The following METTL16 variants were observed in gnomAD, a reference collection of about 807,000 sequenced individuals.
METTL16 encodes RNA N(6)-adenosine-methyltransferase METTL16.
A neutral mutation model predicts 57.9 loss-of-function variants in METTL16; 19 were observed. The ratio of observed to expected loss-of-function variants is 0.33; its 90% confidence interval spans 0.23 to 0.48. The LOEUF is 0.48. Among genes scored for constraint, METTL16 ranks in the 20% least tolerant of loss-of-function variants. The pLI, the probability that METTL16 is intolerant of heterozygous loss-of-function variation, is 0.99. For missense variants in METTL16, 434 were observed against 691.5 expected (o/e 0.63, Z 4.18); for synonymous variants, 246 against 255.6 (o/e 0.96, Z 0.36).
intron 2 of METTL16, among the ~76,000 whole-genome samples, chr17:2,495,147 C>T (rs1684458982): frequency 6.6e-6 from 1 of 151,144 alleles, no homozygotes; most frequent in Non-Finnish European, 1.5e-5. Flanking sequence ...CCCAGGAGTT[C>T]AAGACCAGAT....
Position 2,417,026 on chromosome 17 carries a change from T to C in METTL16, c.*2944A>G, listed in dbSNP as rs1373237938. ...TCCAAATGCACAGAAGGCACTCGGC[T>C]CCAGACTGAAAGCTGGCCTGCTCAT... On this transcript the variant is annotated 3_prime_UTR_variant, in exon 10 of 10. Transcript: ENST00000263092. 7.0e-6 allele frequency: 1 copy of C among 142,010 alleles called. No individual in the cohort carries two copies. The highest frequency in any genetic ancestry group is 2.6e-5 in the African/African-American group (1 of 38,878). 8.8% of individuals were successfully genotyped at this position (142,010 alleles called of 1,614,324 possible).
intron 6 of METTL16, among the ~76,000 whole-genome samples, chr17:2,441,865 G>A (rs1266807485): frequency 6.6e-6 from 1 of 152,122 alleles, no homozygotes; most frequent in African/African-American, 2.4e-5. Flanking sequence ...TGCTTACAAC[G>A]AAGGCCGTTT....
intron 2 of METTL16, among the ~76,000 whole-genome samples, chr17:2,492,280 G>A (rs941467336): frequency 1.2e-4 from 19 of 152,174 alleles, no homozygotes; most frequent in African/African-American, 3.9e-4. Flanking sequence ...TGAACTGACA[G>A]TGCTGAACTA....
intron 8 of METTL16, chr17:2,424,171 T>C (rs1005835587): frequency 3.3e-5 from 5 of 150,530 alleles, no homozygotes; most frequent in African/African-American, 1.2e-4. Context: ...TGGAGTGCAG[T>C]GGCGGGATCT....
rs141829337 is a variant in METTL16 at position 2,443,631 on chromosome 17, C to T, written c.729-2072G>A. 5.1e-3 allele frequency among the ~76,000 whole-genome samples: 771 copies of T among 151,914 alleles called. 13 individuals are homozygous for T. The highest frequency in any genetic ancestry group is 0.018 in the African/African-American group (738 of 41,456). On this transcript the variant is annotated intron_variant, in intron 6 of 9. Coordinates refer to ENST00000263092, the MANE Select transcript of METTL16 (RefSeq NM_024086.4). ...CCTCCCGAGTAGCTGGGACTACAGG[C>T]GCCCACCACGACGCCCGGCTATTTT...
In METTL16 at chr17:2,504,151, G is replaced by A. The variant is rs563881731; in HGVS notation, c.1-1820C>T. On this transcript the variant is annotated intron_variant, in intron 1 of 9. Coordinates refer to ENST00000263092, the MANE Select transcript of METTL16 (RefSeq NM_024086.4). ...AAATATTGTATGCTTTCACTTATAT[G>A]AGGCACCCAGTAGAGGTAAATTTAT... Among the ~76,000 whole-genome samples, 4 of 152,256 alleles carry A rather than the reference G, an allele frequency of 2.6e-5. No individual in the cohort carries two copies. The East Asian group carries it at 7.7e-4, about 29-fold the overall frequency.
At chr17:2,476,479 GAA>G (rs1309718653) in intron 3 of METTL16, among the ~76,000 whole-genome samples, 1 of 152,156 alleles carries the variant, frequency 6.6e-6, no homozygotes, top group Non-Finnish European at 1.5e-5. Flanking sequence ...GCAAAGAAAT[GAA>G]AGAGGAAACC....
intron 4 of METTL16, among the ~76,000 whole-genome samples, chr17:2,473,011 G>A (rs2067244449): frequency 6.6e-6 from 1 of 152,042 alleles, no homozygotes; most frequent in Non-Finnish European, 1.5e-5. Flanking sequence ...ATAATGATGT[G>A]CCAGCATAGG....
Position 2,464,338 on chromosome 17 carries a change from G to T in METTL16, c.598C>A (p.Arg200=), listed in dbSNP as rs376739177. 1.3e-4 allele frequency: 207 copies of T among 1,603,624 alleles called. No individual in the cohort carries two copies. The highest frequency in any genetic ancestry group is 1.2e-3 in the Middle Eastern group (7 of 6,010). Residue 200 remains arginine (R), a synonymous_variant, in exon 6 of 10, where the codon CGA becomes AGA. Transcript: ENST00000263092. ...CTAGGCGGAGGTCTTCGAGGATTTCGTGAGTTTACTCCCTGAAAAACAACA... is the reference window on the plus strand; with the variant it reads ...CTAGGCGGAGGTCTTCGAGGATTTCTTGAGTTTACTCCCTGAAAAACAACA... ...NQLEAKGVNS[R]NPRRPPPSSV...
chr17:2,484,349 G>A (rs892731523), intron 2 of METTL16, among the ~76,000 whole-genome samples: 1 of 151,986 alleles, frequency 6.6e-6, no homozygotes, highest in Non-Finnish European at 1.5e-5. Flanking sequence ...AGAAATGTGA[G>A]GTAACCTAAA....
chr17:2,483,020 T>A (rs1254321295), intron 2 of METTL16, among the ~76,000 whole-genome samples: 1 of 148,592 alleles, frequency 6.7e-6, no homozygotes. Flanking sequence ...GATCATATAG[T>A]GTTAAAAAAA....
At chr17:2,472,027 T>C (rs549115279) in intron 4 of METTL16, among the ~76,000 whole-genome samples, 96 of 151,642 alleles carry the variant, frequency 6.3e-4, no homozygotes, top group African/African-American at 2.1e-3. Flanking sequence ...AGCAGGAGAA[T>C]TGCTTGAACC....
At chr17:2,489,412 T>C (rs2067367137) in intron 2 of METTL16, among the ~76,000 whole-genome samples, 1 of 152,090 alleles carries the variant, frequency 6.6e-6, no homozygotes, top group Admixed American at 6.6e-5. Context: ...CCCAGCACTT[T>C]GGTAGGCCGA....
rs565853874 is a variant in METTL16, at chr17:2,420,805, G to A, written c.988C>T (p.Pro330Ser). The A allele has an allele frequency of 1.9e-6, 3 of 1,614,238 alleles. No individual in the cohort carries two copies. The highest frequency in any genetic ancestry group is 2.5e-6 in the Non-Finnish European group (3 of 1,180,044). The change falls in exon 9 of 10, where the codon CCT becomes TCT. Residue 330 changes from proline (P) to serine (S), a missense_variant. Pro to Ser is a moderately conservative substitution (Grantham distance 74). Coordinates refer to ENST00000263092, the MANE Select transcript of METTL16 (RefSeq NM_024086.4). The surrounding 1 kb of genome is among the most constrained non-coding windows in gnomAD (Gnocchi z 5.4). The part of the protein sequence containing the change: ...VMKELSLKAS[P>S]LRSETAEGIV... ...CCTTCCGCCGTCTCCGAGCGCAGAG[G>A]TGATGCTTTGAGGGATAATTCCTTC...
At chr17:2,449,942 C>G (rs934781177) in intron 6 of METTL16, among the ~76,000 whole-genome samples, 1 of 152,162 alleles carries the variant, frequency 6.6e-6, no homozygotes, top group South Asian at 2.1e-4. Context: ...TAATGAGATA[C>G]CACTACCTAC....
intron 8 of METTL16, among the ~76,000 whole-genome samples, chr17:2,431,457 G>A (rs541596215): frequency 4.6e-5 from 7 of 152,236 alleles, no homozygotes; most frequent in Admixed American, 3.3e-4. Flanking sequence ...TTTGTGATAC[G>A]TGTGAATACA....
intron 8 of METTL16, among the ~76,000 whole-genome samples, chr17:2,423,195 C>T (rs1323036577): frequency 2.6e-5 from 4 of 151,796 alleles, no homozygotes; most frequent in Admixed American, 1.3e-4. Flanking sequence ...ACACTGCATA[C>T]ATACACAACA....
chr17:2,494,652 G>A (rs1754890759), intron 2 of METTL16, among the ~76,000 whole-genome samples: 1 of 152,008 alleles, frequency 6.6e-6, no homozygotes, highest in Non-Finnish European at 1.5e-5. Context: ...GCTACAATGA[G>A]CTATAATCCT....
chr17:2,466,590 A>G (rs1414497434), intron 5 of METTL16, among the ~76,000 whole-genome samples: 1 of 152,198 alleles, frequency 6.6e-6, no homozygotes, highest in East Asian at 1.9e-4. Context: ...GTATCTGAGG[A>G]AGATCTGCCT....
Sources: allele counts gnomAD v4.1 joint callset (sites outside exome capture counted in the v4.1 genomes callset), GRCh38; gene constraint gnomAD v4.1.1; non-coding constraint Gnocchi (gnomAD v3.1); transcripts MANE v1.5; gene names NCBI Gene and HGNC (gene_info 2026-07-23, HGNC 2026-07-21).